FLACC1: variants seen among roughly 807,000 people sequenced by gnomAD.
FLACC1 encodes the protein flagellum associated containing coiled-coil domains 1.
A neutral mutation model predicts 62.8 loss-of-function variants in FLACC1; 66 were observed. The ratio of observed to expected loss-of-function variants is 1.05; its 90% confidence interval spans 0.86 to 1.29. The LOEUF is 1.29. Among genes scored for constraint, FLACC1 ranks in the 50% most tolerant of loss-of-function variants. The pLI is 0.00. For synonymous variants in FLACC1, 156 were observed against 161.0 expected, an observed-to-expected ratio of 0.97 and a Z score of 0.24; for missense variants, 452 against 489.1, an observed-to-expected ratio of 0.92 and a Z score of 0.71.
At chr2:201,341,353 T>G (rs1233277992) in intron 7 of FLACC1, among the ~76,000 whole-genome samples, 1 of 150,186 alleles carries the variant, frequency 6.7e-6, no homozygotes, top group Non-Finnish European at 1.5e-5. Flanking sequence ...TAAATTTTAT[T>G]GTGTATATTT....
chr2:201,292,833 C>A (rs1329263681), intron 12 of FLACC1, among the ~76,000 whole-genome samples: 1 of 152,024 alleles, frequency 6.6e-6, no homozygotes, highest in Non-Finnish European at 1.5e-5. Flanking sequence ...GAAGATCTAC[C>A]AAGCAAATGG....
Position 201,346,573 on chromosome 2 carries a change from A to ATTCCCACC in FLACC1, c.329_336dup (p.Ser113GlyfsTer21). ...AATCTGCCTTTGTCCGGGATCTCCG[A>ATTCCCACC]TTCCCACCGCTTTTTCCTATCAAAC... On this transcript the variant is annotated frameshift_variant, in exon 5 of 15. Coordinates refer to ENST00000392257, the MANE Select transcript of FLACC1 (RefSeq NM_001127391.3). LOFTEE classifies it high-confidence loss of function. The surrounding 1 kb of genome is among the most constrained non-coding windows in gnomAD (Gnocchi z 4.0). 1 of 1,614,150 alleles carries ATTCCCACC rather than the reference A, an allele frequency of 6.2e-7. No homozygotes were observed. Among genetic ancestry groups the ATTCCCACC allele is most frequent in the Non-Finnish European group, 8.5e-7 (1 of 1,180,008 alleles).
chr2:201,330,806 T>C lies in FLACC1; in HGVS notation c.552A>G (p.Glu184=), dbSNP rs370202023. 1 of 1,613,678 alleles carries C rather than the reference T, an allele frequency of 6.2e-7. No individual in the cohort carries two copies. Among genetic ancestry groups the C allele is most frequent in the Admixed American group, 1.7e-5 (1 of 59,982 alleles). ...NRELKEAHEA[E]LSELENNYKA... is the part of the protein sequence containing the mutation. ...TGTAGTTGTTCTCCAACTCACTGAG[T>C]TCTGCTTCATGGGCCTCTTTGAGCT... The change falls in exon 8 of 15, where the codon GAA becomes GAG. Residue 184 remains glutamate, a synonymous_variant. Coordinates refer to ENST00000392257, the MANE Select transcript of FLACC1 (RefSeq NM_001127391.3).
At chr2:201,362,572 A>G in the FLACC1 span, among the ~76,000 whole-genome samples, 1 of 152,188 alleles carries the variant, frequency 6.6e-6, no homozygotes, top group South Asian at 2.1e-4. Context: ...GGAGAGGCAG[A>G]CAGCCTCCCT....
At chr2:201,318,187 C>T (rs1950338447) in intron 9 of FLACC1, among the ~76,000 whole-genome samples, 1 of 152,056 alleles carries the variant, frequency 6.6e-6, no homozygotes, top group Admixed American at 6.5e-5. Flanking sequence ...TTGGCTTAGG[C>T]AAGGATTTCA....
intron 11 of FLACC1, among the ~76,000 whole-genome samples, chr2:201,305,958 T>C (rs1950096224): frequency 6.7e-6 from 1 of 150,004 alleles, no homozygotes; most frequent in African/African-American, 2.5e-5. Context: ...GGGGGAAGGA[T>C]AGCATTAGGA....
intron 5 of FLACC1, 101 bp from the exon 6 acceptor site, chr2:201,344,364 G>T: frequency 2.2e-6 from 2 of 891,868 alleles, no homozygotes; most frequent in Admixed American, 2.0e-5. Context: ...AGCTGGCCTG[G>T]TGAGAGCTGG....
At chr2:201,327,568 A>C (rs1950519167) in intron 9 of FLACC1, among the ~76,000 whole-genome samples, 1 of 152,218 alleles carries the variant, frequency 6.6e-6, no homozygotes, top group Non-Finnish European at 1.5e-5. Flanking sequence ...AGTGCTCAAT[A>C]TCACTAATCA....
chr2:201,288,486 C>G lies in FLACC1; in HGVS notation c.*169G>C, dbSNP rs35269406. On this transcript the variant is annotated 3_prime_UTR_variant, in exon 15 of 15. Coordinates refer to ENST00000392257, the MANE Select transcript of FLACC1 (RefSeq NM_001127391.3). ...TTTTCAGTGAAGAGTCCGTGATAAGCTGTGAAATTCAGATGCGAATTCAAA... is the reference window on the plus strand; with the variant it reads ...TTTTCAGTGAAGAGTCCGTGATAAGGTGTGAAATTCAGATGCGAATTCAAA... 5.0e-5 allele frequency: 37 copies of G among 740,966 alleles called. No individual in the cohort carries two copies. Among genetic ancestry groups the G allele is most frequent in the Middle Eastern group, 5.3e-4 (2 of 3,782 alleles). 45.9% of individuals were successfully genotyped at this position (740,966 alleles called of 1,614,324 possible).
At chr2:201,329,078 C>T (rs1950546138) in intron 9 of FLACC1, among the ~76,000 whole-genome samples, 1 of 152,106 alleles carries the variant, frequency 6.6e-6, no homozygotes. Flanking sequence ...TACTAATCTG[C>T]TTTTTGTCCT....
Position 201,346,753 on chromosome 2 carries a change from A to G in FLACC1, c.235-78T>C. ...TTTCCAAATCTTCTCTTATTGCCTC[A>G]CTCACATCTTAAAAACAGGGACCTG... On this transcript the variant is annotated intron_variant, in intron 4 of 14. Transcript: ENST00000392257. This position sits in a 1 kb window ranked among gnomAD's most constrained non-coding sequence, Gnocchi z 4.0. 1 of 1,577,800 alleles carries G rather than the reference A, an allele frequency of 6.3e-7. No individual in the cohort carries two copies. Among genetic ancestry groups the G allele is most frequent in the Admixed American group, 1.7e-5 (1 of 58,808 alleles).
upstream of FLACC1, among the ~76,000 whole-genome samples, chr2:201,358,503 G>A (rs950977606): frequency 6.2e-5 from 9 of 144,368 alleles, no homozygotes; most frequent in Non-Finnish European, 1.2e-4. Flanking sequence ...TGCAAGCTCC[G>A]CCTCCCGGGT....
intron 10 of FLACC1, among the ~76,000 whole-genome samples, chr2:201,308,885 A>T (rs1295890321): frequency 1.3e-5 from 2 of 152,240 alleles, no homozygotes; most frequent in African/African-American, 4.8e-5. Context: ...CATTTGTTCC[A>T]GCCATCATGG....
chr2:201,342,306 C>A, intron 7 of FLACC1, 64 bp downstream of exon 7: 2 of 1,556,980 alleles, frequency 1.3e-6, no homozygotes, highest in Admixed American at 1.7e-5. Context: ...AACTAAAATC[C>A]TGCAAAGGAT....
intron 6 of FLACC1, among the ~76,000 whole-genome samples, chr2:201,342,713 G>A (rs1052621964): frequency 6.6e-6 from 1 of 152,142 alleles, no homozygotes; most frequent in Non-Finnish European, 1.5e-5. Flanking sequence ...GGTAGGTCTG[G>A]TCTCCTGTGC....
intron 1 of FLACC1, 132 bp from the exon 2 acceptor site, chr2:201,351,583 G>T: frequency 1.7e-6 from 1 of 598,084 alleles, no homozygotes; most frequent in Non-Finnish European, 3.0e-6. Context: ...CTGGTGCAGG[G>T]TCTTGACTAT....
At position 201,326,044 on chromosome 2, in the gene FLACC1, T is replaced by C. The variant is rs1950495084; in HGVS notation, c.675+4426A>G. 6.6e-6 allele frequency among the ~76,000 whole-genome samples: 1 copy of C among 152,130 alleles called. No individual in the cohort carries two copies. The highest frequency in any genetic ancestry group is 1.5e-5 in the Non-Finnish European group (1 of 68,010). ...AAGTCAATAAATGTGATACATCACA[T>C]AAACAGAATTGAAAACAAAAAACAC... is the stretch of plus-strand genomic sequence containing the variant. On this transcript the variant is annotated intron_variant, in intron 9 of 14. Transcript: ENST00000392257. The surrounding 1 kb of genome is among the most constrained non-coding windows in gnomAD (Gnocchi z 4.1).
intron 11 of FLACC1, among the ~76,000 whole-genome samples, chr2:201,302,001 T>C (rs570969641): frequency 6.6e-6 from 1 of 152,232 alleles, no homozygotes; most frequent in East Asian, 1.9e-4. Context: ...GTAAAGTCCA[T>C]CAATGCCAGG....
In FLACC1 at chr2:201,342,677, A is replaced by G. The variant is rs570448066; in HGVS notation, c.463-246T>C. Among the ~76,000 whole-genome samples, 9 of 152,320 alleles carry G rather than the reference A, an allele frequency of 5.9e-5. No individual in the cohort carries two copies. The South Asian group carries it at 1.9e-3, about 32-fold the overall frequency. ...CTTATTCAGTTCATAATGTTGGTGCATCTCTTTCACTGACTATTTTTTTTG... is the reference window on the plus strand; with the variant it reads ...CTTATTCAGTTCATAATGTTGGTGCGTCTCTTTCACTGACTATTTTTTTTG... On this transcript the variant is annotated intron_variant, in intron 6 of 14. Transcript: ENST00000392257.
Sources: gnomAD v4.1 joint callset for allele counts (sites outside exome capture counted in the v4.1 genomes callset) on GRCh38, gnomAD v4.1.1 for gene constraint, Gnocchi (gnomAD v3.1) non-coding constraint, MANE v1.5 for transcripts, NCBI Gene and HGNC (gene_info 2026-07-23, HGNC 2026-07-21) for gene names.